IGF1R: variants seen among roughly 807,000 people sequenced by gnomAD.
IGF1R encodes insulin like growth factor 1 receptor.
Under a neutral mutation model 144.6 loss-of-function variants are expected in IGF1R, and 44 were observed. The ratio of observed to expected loss-of-function variants is 0.30; its 90% CI spans 0.24 to 0.39. The LOEUF is 0.39. IGF1R is among the 10% of genes least tolerant of loss of function. IGF1R has a pLI of 1.00. For synonymous variants in IGF1R, 795 were observed against 722.8 expected (o/e 1.10, Z -1.60); for missense variants, 1,355 against 1,833.7 (o/e 0.74, Z 4.77).
intron 7 of IGF1R, among the ~76,000 whole-genome samples, chr15:98,912,280 A>G (rs1596440387): frequency 6.6e-6 from 1 of 152,198 alleles, no homozygotes; most frequent in South Asian, 2.1e-4. Flanking sequence ...CTGGGGTCCT[A>G]TGAATGAGAA....
intron 2 of IGF1R, among the ~76,000 whole-genome samples, chr15:98,826,517 A>C (rs1041850141): frequency 6.6e-6 from 1 of 152,270 alleles, no homozygotes; most frequent in Non-Finnish European, 1.5e-5. Context: ...TAGAATGACT[A>C]AAGCTTAAGT....
intron 1 of IGF1R, among the ~76,000 whole-genome samples, chr15:98,706,632 A>T (rs2053869302): frequency 6.6e-6 from 1 of 151,914 alleles, no homozygotes; most frequent in African/African-American, 2.4e-5. Context: ...AATACTCTGG[A>T]ACTACTGTCC....
chr15:98,924,340 G>A (rs886251261), intron 12 of IGF1R, among the ~76,000 whole-genome samples, 185 bp from the exon 13 acceptor site: 3 of 152,226 alleles, frequency 2.0e-5, no homozygotes, highest in Non-Finnish European at 4.4e-5. Flanking sequence ...TTTTGGGTGT[G>A]CTTAAAGCTA....
At chr15:98,779,905 C>T (rs1218865233) in intron 2 of IGF1R, among the ~76,000 whole-genome samples, 2 of 152,140 alleles carry the variant, frequency 1.3e-5, no homozygotes, top group African/African-American at 4.8e-5. Flanking sequence ...GCTCGGAGGG[C>T]AAGTCAGCCT....
intron 2 of IGF1R, among the ~76,000 whole-genome samples, chr15:98,767,920 G>A (rs923314104): frequency 6.6e-6 from 1 of 152,114 alleles, no homozygotes; most frequent in African/African-American, 2.4e-5. Context: ...TTTGTGTGTG[G>A]GGTGATGTTT....
rs567865779 is a variant in IGF1R at position 98,725,810 on chromosome 15, T to C, written c.640+17703T>C. 1.2e-3 allele frequency among the ~76,000 whole-genome samples: 177 copies of C among 152,270 alleles called. 1 individual carries two copies. Among genetic ancestry groups the C allele is most frequent in the African/African-American group, 3.8e-3 (158 of 41,556 alleles). On this transcript the variant is annotated intron_variant, in intron 2 of 20. Transcript: ENST00000650285. ...CAGAATCATGGCAGGAGGCAAAAGGTACTTCTTACATGGTGGCAGCAAGAG... is the reference window on the plus strand; with the variant it reads ...CAGAATCATGGCAGGAGGCAAAAGGCACTTCTTACATGGTGGCAGCAAGAG...
intron 2 of IGF1R, among the ~76,000 whole-genome samples, chr15:98,822,690 TG>T (rs2056824214): frequency 6.6e-6 from 1 of 152,216 alleles, no homozygotes; most frequent in Non-Finnish European, 1.5e-5. Context: ...CTCCAAATTT[TG>T]TGAGTTCCCT....
rs531465034 is a variant in IGF1R at position 98,919,197 on chromosome 15, C to G, written c.2201+2321C>G. On this transcript the variant is annotated intron_variant, in intron 10 of 20. Transcript: ENST00000650285. ...GGACCTGGTCCTCATTCCCACACAC[C>G]GACTCTTTTCCCCCTCTTCTCCTCC... 3.9e-5 allele frequency among the ~76,000 whole-genome samples: 6 copies of G among 152,256 alleles called. No homozygotes were observed. The South Asian group carries it at 1.2e-3, about 32-fold the overall frequency.
At chr15:98,809,199 C>T (rs1209481330) in intron 2 of IGF1R, among the ~76,000 whole-genome samples, 1 of 152,212 alleles carries the variant, frequency 6.6e-6, no homozygotes, top group South Asian at 2.1e-4. Context: ...CCTGCATGTA[C>T]TGAGGATGGA....
chr15:98,821,280 GCCT>G (rs72086433), intron 2 of IGF1R, among the ~76,000 whole-genome samples: 5,652 of 146,580 alleles, frequency 0.039, 174 homozygotes, highest in East Asian at 0.14. Context: ...TTTTAAACAC[GCCT>G]CCCCCCCCCC....
chr15:98,956,142 G>A (rs1323354617), intron 20 of IGF1R, among the ~76,000 whole-genome samples: 1 of 152,218 alleles, frequency 6.6e-6, no homozygotes, highest in Admixed American at 6.5e-5. Context: ...CCTTGTCCAC[G>A]TGTGGCCGGC....
intron 2 of IGF1R, among the ~76,000 whole-genome samples, chr15:98,764,593 A>C (rs770240748): frequency 2.0e-5 from 3 of 152,210 alleles, no homozygotes; most frequent in Non-Finnish European, 4.4e-5. Context: ...GCATTTTCAG[A>C]GATAATTAAA....
chr15:98,747,089 T>A (rs1260009188), intron 2 of IGF1R, among the ~76,000 whole-genome samples: 1 of 152,214 alleles, frequency 6.6e-6, no homozygotes, highest in Admixed American at 6.5e-5. Flanking sequence ...GTAAGTGCAG[T>A]GTAATGTAAA....
At chr15:98,770,687 G>A (rs1161078189) in intron 2 of IGF1R, among the ~76,000 whole-genome samples, 1 of 152,174 alleles carries the variant, frequency 6.6e-6, no homozygotes, top group African/African-American at 2.4e-5. Flanking sequence ...GTTTTAGGGT[G>A]TGGGGAATCT....
intron 2 of IGF1R, among the ~76,000 whole-genome samples, chr15:98,716,177 C>CG: frequency 6.6e-6 from 1 of 152,066 alleles, no homozygotes; most frequent in South Asian, 2.1e-4. Context: ...TCTTTGAACT[C>CG]GGGGGGCTTG....
chr15:98,841,789 A>G (rs982425631), intron 2 of IGF1R, among the ~76,000 whole-genome samples: 2 of 152,178 alleles, frequency 1.3e-5, no homozygotes, highest in African/African-American at 4.8e-5. Context: ...CACGGGCAGG[A>G]GGAGCTGTGG....
rs200971570 is a variant in IGF1R, at chr15:98,916,662, T to A, written c.1997-10T>A. On this transcript the variant is annotated splice_polypyrimidine_tract_variant and intron_variant, in intron 9 of 20. Transcript: ENST00000650285. The stretch of plus-strand genomic sequence containing the variant: ...TCCCACTCTTGTTTTGGCTTTTCTT[T>A]TCCGAGAAGACAAAATCCCCATCAG... 7.4e-6 allele frequency: 12 copies of A among 1,613,678 alleles called. No individual in the cohort carries two copies. The Admixed American group carries it at 2.0e-4, about 27-fold the overall frequency.
intron 2 of IGF1R, among the ~76,000 whole-genome samples, chr15:98,846,497 G>A (rs531429809): frequency 6.6e-6 from 1 of 152,354 alleles, no homozygotes; most frequent in South Asian, 2.1e-4. Flanking sequence ...TACAGGAAAA[G>A]TTAAGCTCTT....
intron 2 of IGF1R, among the ~76,000 whole-genome samples, chr15:98,810,813 G>A (rs1157116924): frequency 6.6e-6 from 1 of 151,896 alleles, no homozygotes; most frequent in African/African-American, 2.4e-5. Flanking sequence ...CTCCCAAAGG[G>A]CTGGGATTAC....
Sources: allele counts gnomAD v4.1 joint callset (sites outside exome capture counted in the v4.1 genomes callset), GRCh38; gene constraint gnomAD v4.1.1; transcripts MANE v1.5; gene names NCBI Gene and HGNC (gene_info 2026-07-23, HGNC 2026-07-21).